LRRC3B: variants seen among roughly 807,000 people sequenced by gnomAD.
LRRC3B encodes leucine-rich repeat-containing protein 3B.
A neutral mutation model predicts 12.8 loss-of-function variants in LRRC3B; 2 were observed. The ratio of observed to expected loss-of-function variants is 0.16; its 90% CI spans 0.06 to 0.49. The LOEUF (loss-of-function observed/expected upper bound fraction) is 0.49. LRRC3B is among the 20% of genes least tolerant of loss of function. The pLI, the probability that LRRC3B is intolerant of heterozygous loss-of-function variation, is 0.96. For synonymous variants in LRRC3B, 132 were observed against 122.0 expected (o/e 1.08, Z -0.54); for missense variants, 189 against 319.4 (o/e 0.59, Z 3.11).
chr3:26,705,519 T>G (rs755944782), intron 1 of LRRC3B, among the ~76,000 whole-genome samples: 3 of 152,002 alleles, frequency 2.0e-5, no homozygotes, highest in Non-Finnish European at 4.4e-5. Context: ...CAGGCAGTAT[T>G]GCTGTTGCTG....
At chr3:26,662,659 T>C (rs1699517270) in intron 1 of LRRC3B, among the ~76,000 whole-genome samples, 1 of 152,154 alleles carries the variant, frequency 6.6e-6, no homozygotes, top group Non-Finnish European at 1.5e-5. Flanking sequence ...AAGCTGGGAT[T>C]TGAGTATGTA....
At position 26,635,436 on chromosome 3, in the gene LRRC3B, G is replaced by A. The variant is rs1198143259; in HGVS notation, c.-161+12199G>A. Among the ~76,000 whole-genome samples the A allele has an allele frequency of 2.6e-5, 4 of 152,130 alleles. No individual in the cohort carries two copies. The East Asian group carries it at 7.7e-4, about 29-fold the overall frequency. ...GATCTAGATGAAGTCATGAAGGTGG[G>A]GTCCTCAACATGAGATTAGTGTTCT... On this transcript the variant is annotated intron_variant, in intron 1 of 1. Coordinates refer to ENST00000396641, the Ensembl canonical transcript of LRRC3B.
At chr3:26,645,916 G>C (rs9812217) in intron 1 of LRRC3B, among the ~76,000 whole-genome samples, 51,995 of 151,852 alleles carry the variant, frequency 0.34, 9,435 homozygotes, top group African/African-American at 0.46. Flanking sequence ...TGAGTTTGCC[G>C]TCATATCAAG....
intron 1 of LRRC3B, chr3:26,624,266 A>G (rs1280351877): frequency 6.6e-6 from 1 of 152,234 alleles, no homozygotes; most frequent in East Asian, 1.9e-4. Flanking sequence ...CAGATCGTGG[A>G]CTAGGGATGC....
chr3:26,632,157 G>A lies in LRRC3B; in HGVS notation c.-161+8920G>A, dbSNP rs536515718. 5.9e-5 allele frequency among the ~76,000 whole-genome samples: 9 copies of A among 152,334 alleles called. 1 individual carries two copies. The South Asian group carries it at 1.9e-3, about 32-fold the overall frequency. ...GACTGGTAAAGGGACAAGGTACAAA[G>A]GGGTGAAACAATTAATAACTTTTCT... On this transcript the variant is annotated intron_variant, in intron 1 of 1. Transcript: ENST00000396641.
rs186368363 is a variant in LRRC3B, at chr3:26,645,565, G to A, written c.-161+22328G>A. Among the ~76,000 whole-genome samples the A allele has an allele frequency of 1.1e-4, 16 of 151,618 alleles. No individual in the cohort carries two copies. The South Asian group carries it at 1.3e-3, about 12-fold the overall frequency. ...ATATATCTATATCTATATATATATAGATATATACACATGTATAATTTTCAT... is the reference window on the plus strand; with the variant it reads ...ATATATCTATATCTATATATATATAAATATATACACATGTATAATTTTCAT... On this transcript the variant is annotated intron_variant, in intron 1 of 1. Transcript: ENST00000396641.
chr3:26,641,363 T>A (rs1182176604), intron 1 of LRRC3B, among the ~76,000 whole-genome samples: 1 of 152,164 alleles, frequency 6.6e-6, no homozygotes, highest in East Asian at 1.9e-4. Flanking sequence ...GTGCTCTCCC[T>A]AACACTGCCA....
intron 1 of LRRC3B, among the ~76,000 whole-genome samples, chr3:26,697,181 A>G (rs1022226063): frequency 6.6e-6 from 1 of 152,156 alleles, no homozygotes; most frequent in African/African-American, 2.4e-5. Context: ...GCTAAAAATA[A>G]CACACATCTA....
intron 1 of LRRC3B, among the ~76,000 whole-genome samples, chr3:26,650,757 C>T (rs1699248644): frequency 6.6e-6 from 1 of 152,040 alleles, no homozygotes. Flanking sequence ...AACACTGTAG[C>T]CTATAAGAAA....
intron 1 of LRRC3B, among the ~76,000 whole-genome samples, chr3:26,680,072 T>G (rs1257057970): frequency 1.3e-5 from 2 of 152,190 alleles, no homozygotes; most frequent in Non-Finnish European, 2.9e-5. Context: ...CTTGTGAAAA[T>G]GCAGATTCTG....
chr3:26,671,011 C>CTTTTTT (rs762788262), intron 1 of LRRC3B, among the ~76,000 whole-genome samples: 3 of 95,548 alleles, frequency 3.1e-5, no homozygotes, highest in Admixed American at 1.3e-4. Flanking sequence ...TCTCATGTAT[C>CTTTTTT]TTTTTTTTTT....
chr3:26,674,864 C>T (rs1217021670), intron 1 of LRRC3B, among the ~76,000 whole-genome samples: 1 of 152,178 alleles, frequency 6.6e-6, no homozygotes, highest in Non-Finnish European at 1.5e-5. Context: ...ACCTGGGTGT[C>T]AGTGTAGACC....
exon 2 of LRRC3B, chr3:26,710,487 G>C (rs561036502): frequency 1.3e-6 from 2 of 1,516,442 alleles, no homozygotes; most frequent in African/African-American, 1.4e-5. Flanking sequence ...AAGAAAGAAA[G>C]TAGTTTGCGA....
intron 1 of LRRC3B, among the ~76,000 whole-genome samples, chr3:26,696,472 G>A (rs892872262): frequency 1.1e-4 from 16 of 152,142 alleles, no homozygotes; most frequent in Admixed American, 3.3e-4. Flanking sequence ...CTTTTAAAAT[G>A]GCATTCTGTA....
chr3:26,656,658 C>G (rs956619001), intron 1 of LRRC3B, among the ~76,000 whole-genome samples: 1 of 152,122 alleles, frequency 6.6e-6, no homozygotes, highest in Non-Finnish European at 1.5e-5. Context: ...TTTAGAGAGA[C>G]CCGTATTAGG....
At chr3:26,691,033 A>ATG (rs1700177539) in intron 1 of LRRC3B, among the ~76,000 whole-genome samples, 1 of 146,374 alleles carries the variant, frequency 6.8e-6, no homozygotes, top group African/African-American at 2.5e-5. Context: ...ATATATATAT[A>ATG]TGTGTGTATA....
intron 1 of LRRC3B, among the ~76,000 whole-genome samples, chr3:26,629,971 CA>C (rs35195778): frequency 0.36 from 33,338 of 93,134 alleles, 3,929 homozygotes; most frequent in Middle Eastern, 0.46. Context: ...AGAAGCATGG[CA>C]AAAAAAAAAA....
intron 1 of LRRC3B, among the ~76,000 whole-genome samples, chr3:26,652,456 G>C (rs1177432011): frequency 6.6e-6 from 1 of 152,184 alleles, no homozygotes; most frequent in Non-Finnish European, 1.5e-5. Context: ...TCTCATAGAA[G>C]AGCTGGGTAA....
intron 1 of LRRC3B, among the ~76,000 whole-genome samples, chr3:26,697,719 C>T (rs1165482737): frequency 6.6e-6 from 1 of 152,156 alleles, no homozygotes; most frequent in East Asian, 1.9e-4. Context: ...TACAAAATCT[C>T]ATCTAAATAT....
Sources: allele counts gnomAD v4.1 joint callset (sites outside exome capture counted in the v4.1 genomes callset), GRCh38; gene constraint gnomAD v4.1.1; transcripts MANE v1.5; gene names NCBI Gene and HGNC (gene_info 2026-07-23, HGNC 2026-07-21).